NYNRIN: variants seen among roughly 807,000 people sequenced by gnomAD.
NYNRIN encodes the protein NYN domain and retroviral integrase containing, also known as protein NYNRIN.
In NYNRIN, 86 loss-of-function variants were observed where a neutral mutation model predicts 146.6. That is an observed-to-expected ratio of 0.59 (90% CI 0.49 to 0.70). The LOEUF is 0.70. Ranked by LOEUF, NYNRIN falls within the 30% of genes least tolerant of loss-of-function variation. NYNRIN has a pLI of 0.00. For missense variants in NYNRIN, 2,191 were observed against 2,377.7 expected, an observed-to-expected ratio of 0.92 and a Z score of 1.63; for synonymous variants, 1,027 against 1,001.3, an observed-to-expected ratio of 1.03 and a Z score of -0.48.
rs1270977150 is a variant in NYNRIN at position 24,416,314 on chromosome 14, T to A, written c.4565T>A (p.Leu1522Gln). Reference sequence around the variant, plus strand: ...CTCAGCCTCGACAAGGAGAGTGGCCTGCTTATGTTCAAGGGAGATAAGAAG... The same window carrying A: ...CTCAGCCTCGACAAGGAGAGTGGCCAGCTTATGTTCAAGGGAGATAAGAAG... ...NSLSLDKESG[L>Q]LMFKGDKKPR... The change falls in exon 9 of 9, where the codon CTG becomes CAG. Residue 1522 changes from leucine (L) to glutamine (Q), a missense_variant. Leu to Gln is a moderately radical substitution (Grantham distance 113). Coordinates refer to ENST00000382554, the MANE Select transcript of NYNRIN (RefSeq NM_025081.3). 5 of 1,613,736 alleles carry A rather than the reference T, an allele frequency of 3.1e-6. No homozygotes were observed. The Admixed American group carries it at 6.7e-5, about 22-fold the overall frequency.
rs756003908 is a variant in NYNRIN, at chr14:24,416,275, C to T, written c.4526C>T (p.Ser1509Phe). 1 of 1,613,896 alleles carries T rather than the reference C, an allele frequency of 6.2e-7. No homozygotes were observed. Among genetic ancestry groups the T allele is most frequent in the Non-Finnish European group, 8.5e-7 (1 of 1,179,878 alleles). ...QKLSGSSPFS[S>F]AFNSLSLDKE... is the part of the protein sequence containing the mutation. ...CTGTCTGGCTCCTCACCGTTTAGTT[C>T]TGCCTTTAACTCACTCAGCCTCGAC... Residue 1509 changes from serine (S) to phenylalanine (F), a missense_variant, in exon 9 of 9, where the codon TCT becomes TTT. Ser to Phe is a radical substitution (Grantham distance 155, BLOSUM62 -2). Coordinates refer to ENST00000382554, the MANE Select transcript of NYNRIN (RefSeq NM_025081.3).
chr14:24,406,055 G>A (rs890910257), intron 2 of NYNRIN, among the ~76,000 whole-genome samples: 3 of 151,816 alleles, frequency 2.0e-5, no homozygotes, highest in Middle Eastern at 3.4e-3. Flanking sequence ...CCAGCTACTG[G>A]GGAGGCTAAG....
intron 2 of NYNRIN, 93 bp downstream of exon 2, chr14:24,399,537 C>G (rs2042827648): frequency 2.7e-6 from 3 of 1,129,292 alleles, no homozygotes; most frequent in Admixed American, 2.4e-5. Flanking sequence ...GAGACACCAC[C>G]CACCCTGCCC....
At position 24,399,030 on chromosome 14, in the gene NYNRIN, G is replaced by T; in HGVS notation, c.-74G>T. 2.0e-6 allele frequency: 1 copy of T among 509,760 alleles called. No individual in the cohort carries two copies. The highest frequency in any genetic ancestry group is 3.4e-6 in the Non-Finnish European group (1 of 292,006). The allele number at this position is 509,760 out of a possible 1,614,324, so 31.6% of individuals were successfully genotyped here. A position where few individuals can be genotyped will look rare whatever the true frequency, so the allele number is the denominator to read the frequency against. On this transcript the variant is annotated 5_prime_UTR_variant, in exon 1 of 9. Transcript: ENST00000382554. ...ACCCCGGGCAGGAAGAGCTCGTCGC[G>T]GTAGCAGCGGTCGAAGGGGACCAAG...
At chr14:24,410,430 T>C (rs1159148133) in intron 4 of NYNRIN, among the ~76,000 whole-genome samples, 1 of 152,202 alleles carries the variant, frequency 6.6e-6, no homozygotes, top group Non-Finnish European at 1.5e-5. Flanking sequence ...GGTTTCCCTG[T>C]CTGATAGATG....
intron 2 of NYNRIN, 51 bp downstream of exon 2, chr14:24,399,495 C>T: frequency 6.7e-7 from 1 of 1,482,430 alleles, no homozygotes; most frequent in Admixed American, 2.0e-5. Flanking sequence ...AGATCACTCT[C>T]TCCCCTTCCC....
chr14:24,417,416 C>T lies in NYNRIN; in HGVS notation c.5667C>T (p.Thr1889=), dbSNP rs972367444. 1.3e-6 allele frequency: 2 copies of T among 1,529,678 alleles called. No individual in the cohort carries two copies. The highest frequency in any genetic ancestry group is 1.8e-6 in the Non-Finnish European group (2 of 1,136,094). The allele number at this position is 1,529,678 out of a possible 1,614,324, so 94.8% of individuals were successfully genotyped here. A position where few individuals can be genotyped will look rare whatever the true frequency, so the allele number is the denominator to read the frequency against. The change falls in exon 9 of 9, where the codon ACC becomes ACT. Residue 1889 remains threonine, a synonymous_variant. Coordinates refer to ENST00000382554, the MANE Select transcript of NYNRIN (RefSeq NM_025081.3). The part of the protein sequence containing the change: ...SLMKAFAKSG[T]PLSFKVLEQ ...TGAAGGCCTTTGCCAAGAGTGGCACCCCGCTGTCCTTCAAGGTCTTGGAGC... is the reference window on the plus strand; with the variant it reads ...TGAAGGCCTTTGCCAAGAGTGGCACTCCGCTGTCCTTCAAGGTCTTGGAGC...
chr14:24,407,647 C>T (rs963583847), intron 2 of NYNRIN, among the ~76,000 whole-genome samples: 1 of 152,158 alleles, frequency 6.6e-6, no homozygotes, highest in Admixed American at 6.5e-5. Flanking sequence ...CCCAGGCTTC[C>T]CTGTTCTGTT....
chr14:24,406,157 G>C (rs2042873743), intron 2 of NYNRIN, among the ~76,000 whole-genome samples: 1 of 149,912 alleles, frequency 6.7e-6, no homozygotes, highest in Non-Finnish European at 1.5e-5. Context: ...CTCTAGCTGT[G>C]CCACTGTACT....
Position 24,399,102 on chromosome 14 carries a change from TG to T in NYNRIN, c.-18+18del. ...GCCGTGCGGGGTGGGTCCCGCCGCC[TG>T]GAGGAAGGAGGCCGTGCGGGGGGCG... On this transcript the variant is annotated intron_variant, in intron 1 of 8. Coordinates refer to ENST00000382554, the MANE Select transcript of NYNRIN (RefSeq NM_025081.3). The T allele has an allele frequency of 1.4e-6, 1 of 738,034 alleles. No individual in the cohort carries two copies. The highest frequency in any genetic ancestry group is 2.1e-6 in the Non-Finnish European group (1 of 475,296). The allele number at this position is 738,034 out of a possible 1,614,324, so 45.7% of individuals were successfully genotyped here.
At chr14:24,401,647 C>T (rs1163126077) in intron 2 of NYNRIN, among the ~76,000 whole-genome samples, 1 of 152,114 alleles carries the variant, frequency 6.6e-6, no homozygotes, top group Non-Finnish European at 1.5e-5. Flanking sequence ...ATAATAATAC[C>T]TGGTTCATGA....
In NYNRIN at chr14:24,418,031, C is replaced by T; in HGVS notation, c.*585C>T. The T allele has an allele frequency of 6.2e-6, 2 of 321,722 alleles. No individual in the cohort carries two copies. Among genetic ancestry groups the T allele is most frequent in the Middle Eastern group, 1.2e-3 (1 of 850 alleles). 19.9% of individuals were successfully genotyped at this position (321,722 alleles called of 1,614,324 possible). A position where few individuals can be genotyped will look rare whatever the true frequency, so the allele number is the denominator to read the frequency against. On this transcript the variant is annotated 3_prime_UTR_variant, in exon 9 of 9. Coordinates refer to ENST00000382554, the MANE Select transcript of NYNRIN (RefSeq NM_025081.3). ...CTCAAGCCAGGTGTGGCCTGCACAG[C>T]TCTCAGGGCAGGGCTGGCCATCCTC...
intron 2 of NYNRIN, among the ~76,000 whole-genome samples, chr14:24,405,793 A>G (rs1010735585): frequency 6.6e-6 from 1 of 152,256 alleles, no homozygotes; most frequent in Admixed American, 6.5e-5. Context: ...TGCCTGACAC[A>G]TAATAAGCTC....
chr14:24,409,940 G>T lies in NYNRIN; in HGVS notation c.2146G>T (p.Gly716Cys). The change falls in exon 4 of 9, where the codon GGC (glycine) becomes TGC (cysteine). Residue 716 changes from glycine to cysteine, a missense_variant. Physicochemically the swap from Gly to Cys is radical, Grantham distance 159. Coordinates refer to ENST00000382554, the MANE Select transcript of NYNRIN (RefSeq NM_025081.3). ...TSRASVSLLK[G>C]QGQAGRQGPQ... ...AAGGGCTAGTGTCTCCTTACTGAAG[G>T]GCCAGGGGCAGGCTGGAAGGCAGGG... is the stretch of plus-strand genomic sequence containing the variant. 6.2e-7 allele frequency: 1 copy of T among 1,613,750 alleles called. No individual in the cohort carries two copies. Among genetic ancestry groups the T allele is most frequent in the East Asian group, 2.2e-5 (1 of 44,886 alleles).
chr14:24,415,065 G>A lies in NYNRIN; in HGVS notation c.3316G>A (p.Asp1106Asn), dbSNP rs1201900439. ...FFMGFMDSHR[D>N]AIPDYEALVG... ...CATGGGCTTCATGGACTCCCACAGG[G>A]ATGCCATCCCTGACTATGAAGCCCT... Residue 1106 changes from aspartate (D) to asparagine (N), a missense_variant, in exon 9 of 9, where the codon GAT (aspartate) becomes AAT (asparagine). Around this residue, in one of 3 missense-constraint regions of NYNRIN, gnomAD observed 1,291 missense variants for 1,417.0 expected, o/e 0.91. Coordinates refer to ENST00000382554, the MANE Select transcript of NYNRIN (RefSeq NM_025081.3). 6.2e-7 allele frequency: 1 copy of A among 1,612,810 alleles called. No individual in the cohort carries two copies. The highest frequency in any genetic ancestry group is 1.1e-5 in the South Asian group (1 of 91,066).
intron 2 of NYNRIN, among the ~76,000 whole-genome samples, chr14:24,400,284 C>A (rs1354865130): frequency 6.6e-6 from 1 of 152,216 alleles, no homozygotes; most frequent in Non-Finnish European, 1.5e-5. Flanking sequence ...TCCCTGGCTT[C>A]TCTCACAAGC....
chr14:24,417,047 A>G lies in NYNRIN; in HGVS notation c.5298A>G (p.Ser1766=). Residue 1766 remains serine (S), a synonymous_variant, in exon 9 of 9, where the codon TCA becomes TCG. Transcript: ENST00000382554. ...TCAAGGTCCTGACCGGGGGTGAGTC[A>G]AGGCTCACGGAGCCCCTGTGGTGGG... ...TPFKVLTGGE[S]RLTEPLWWEM... is the part of the protein sequence containing the mutation. 12 of 1,611,482 alleles carry G rather than the reference A, an allele frequency of 7.4e-6. 1 individual carries two copies. The highest frequency in any genetic ancestry group is 1.0e-5 in the Non-Finnish European group (12 of 1,178,342).
In NYNRIN at chr14:24,408,791, C is replaced by T; in HGVS notation, c.997C>T (p.Leu333Phe). 4 of 1,614,052 alleles carry T rather than the reference C, an allele frequency of 2.5e-6. No homozygotes were observed. Among genetic ancestry groups the T allele is most frequent in the Non-Finnish European group, 3.4e-6 (4 of 1,179,902 alleles). ...GGTCCAGAAGATAGAAGATAAACTC[C>T]TCTTCCAACCTCCAGTATCAGCCCT... ...RQVQKIEDKL[L>F]FQPPVSALGV... The change falls in exon 4 of 9, where the codon CTC becomes TTC. Residue 333 changes from leucine (L) to phenylalanine (F), a missense_variant. Leu to Phe is a conservative substitution (Grantham distance 22). Around this residue, in one of 3 missense-constraint regions of NYNRIN, gnomAD observed 895 missense variants for 941.2 expected, o/e 0.95. Coordinates refer to ENST00000382554, the MANE Select transcript of NYNRIN (RefSeq NM_025081.3).
Position 24,417,182 on chromosome 14 carries a change from G to A in NYNRIN, c.5433G>A (p.Lys1811=), listed in dbSNP as rs748761502. Residue 1811 remains lysine (K), a synonymous_variant, in exon 9 of 9, where the codon AAG becomes AAA. Transcript: ENST00000382554. ...GGGTGGCTGACAAGGCGAGTGAAAA[G>A]GCCGAGAACAGGCGTTTCAAGCGGG... ...HWRVADKASE[K]AENRRFKRES... is the part of the protein sequence containing the mutation. The A allele has an allele frequency of 1.2e-6, 2 of 1,614,066 alleles. No individual in the cohort carries two copies. Among genetic ancestry groups the A allele is most frequent in the South Asian group, 1.1e-5 (1 of 91,086 alleles).
Sources: allele counts gnomAD v4.1 joint callset (sites outside exome capture counted in the v4.1 genomes callset), GRCh38; gene constraint gnomAD v4.1.1; regional missense constraint gnomAD v4.1.1; transcripts MANE v1.5; gene names NCBI Gene and HGNC (gene_info 2026-07-23, HGNC 2026-07-21).